DMD: variants seen among roughly 807,000 people sequenced by gnomAD.
DMD encodes the protein dystrophin, also known as mutant dystrophin.
In DMD, 63 loss-of-function variants were observed where a neutral mutation model predicts 330.1. That is an observed-to-expected ratio of 0.19 (90% confidence interval 0.16 to 0.24). The LOEUF (loss-of-function observed/expected upper bound fraction) is 0.24, where lower values mean the gene tolerates loss of function less well. Among genes scored for constraint, DMD ranks in the 10% least tolerant of loss-of-function variants. The pLI, the probability that DMD is intolerant of heterozygous loss-of-function variation, is 1.00. For synonymous variants in DMD, 1,223 were observed against 959.8 expected (o/e 1.27, Z -5.07); for missense variants, 3,344 against 2,684.1 (o/e 1.25, Z -5.43).
rs752073242 is a variant in DMD at position 31,498,305 on chromosome X, C to A, written c.8391-1361G>T. ...TTGCTTGAGAAATGCAAAACCCCAA[C>A]CTACTGATTGTTTTCAAATGTAATG... On this transcript the variant is annotated intron_variant, in intron 56 of 78. Coordinates refer to ENST00000357033, the MANE Select transcript of DMD (RefSeq NM_004006.3). Among the ~76,000 whole-genome samples, 4 of 111,774 alleles carry A rather than the reference C, an allele frequency of 3.6e-5. No individual in the cohort carries two copies. In the South Asian group the frequency reaches 1.5e-3, roughly 42 times the overall value.
intron 55 of DMD, among the ~76,000 whole-genome samples, chrX:31,621,665 A>T (rs887993534): frequency 2.7e-5 from 3 of 112,118 alleles, no homozygotes; most frequent in Non-Finnish European, 5.6e-5. Context: ...ATTGGGACTC[A>T]GAGGTCAGAC....
intron 1 of DMD, among the ~76,000 whole-genome samples, chrX:33,274,581 A>G (rs1460522388): frequency 8.9e-6 from 1 of 112,274 alleles, no homozygotes; most frequent in Non-Finnish European, 1.9e-5. Flanking sequence ...AATTGCATGT[A>G]CAAATTCATT....
chrX:33,147,465 T>G (rs897805135), intron 1 of DMD, among the ~76,000 whole-genome samples: 5 of 112,340 alleles, frequency 4.5e-5, no homozygotes, highest in Non-Finnish European at 7.5e-5. Context: ...TAATTATGAT[T>G]TGAATACATT....
chrX:32,352,955 A>C (rs1478155246), intron 37 of DMD, among the ~76,000 whole-genome samples: 2 of 111,070 alleles, frequency 1.8e-5, no homozygotes, highest in East Asian at 5.6e-4. Context: ...AATATGTCTT[A>C]TACTACTCTA....
chrX:31,428,532 C>T (rs1354278205), intron 60 of DMD, among the ~76,000 whole-genome samples: 3 of 111,899 alleles, frequency 2.7e-5, no homozygotes, highest in Non-Finnish European at 5.6e-5. Context: ...AAAAACCCAA[C>T]ACAAAATGTC....
At chrX:31,631,868 AG>A (rs1265301913) in intron 54 of DMD, among the ~76,000 whole-genome samples, 1 of 111,786 alleles carries the variant, frequency 8.9e-6, no homozygotes, top group Non-Finnish European at 1.9e-5. Context: ...TTGCCCTTTA[AG>A]GAGACCTATA....
intron 41 of DMD, among the ~76,000 whole-genome samples, chrX:32,336,708 T>C (rs992707042): frequency 1.8e-5 from 2 of 112,377 alleles, no homozygotes; most frequent in Admixed American, 9.5e-5. Context: ...AAAGTTCTAC[T>C]AAATATTCAT....
At chrX:32,394,916 C>CAAAACAAAACAAAAAAAAAAAA (rs2098030291) in intron 30 of DMD, among the ~76,000 whole-genome samples, 1 of 39,034 alleles carries the variant, frequency 2.6e-5, no homozygotes, top group African/African-American at 7.9e-5. Flanking sequence ...AACAAAAAAA[C>CAAAACAAAACAAAAAAAAAAAA]AAAAAAAAAA....
chrX:31,894,152 A>C (rs2149779302), intron 47 of DMD, among the ~76,000 whole-genome samples: 1 of 112,344 alleles, frequency 8.9e-6, no homozygotes, highest in East Asian at 2.8e-4. Context: ...AATTTTCTTC[A>C]CAGCAAGATA....
intron 34 of DMD, among the ~76,000 whole-genome samples, chrX:32,370,392 C>G (rs1431874060): frequency 9.1e-6 from 1 of 110,204 alleles, no homozygotes; most frequent in East Asian, 2.8e-4. Flanking sequence ...GCTAATGTGA[C>G]AGAATAATAT....
At chrX:33,271,777 C>CAA (rs771405828) in intron 1 of DMD, among the ~76,000 whole-genome samples, 1 of 73,459 alleles carries the variant, frequency 1.4e-5, no homozygotes, top group Non-Finnish European at 2.7e-5. Context: ...AAAAAAAAAC[C>CAA]AAAAAAAAAA....
At chrX:31,223,184 C>A (rs986744402) in intron 63 of DMD, 63 bp from the exon 64 acceptor site, 5 of 1,010,846 alleles carry the variant, frequency 4.9e-6, no homozygotes, top group Non-Finnish European at 4.2e-6. Context: ...AACCCACCCC[C>A]GACGCCCAGT....
chrX:31,797,592 T>A (rs1456223351), intron 50 of DMD, among the ~76,000 whole-genome samples: 2 of 112,112 alleles, frequency 1.8e-5, no homozygotes, highest in African/African-American at 6.5e-5. Context: ...AAAAATAGAA[T>A]TACTTGACCT....
At position 32,585,699 on chromosome X, in the gene DMD, C is replaced by CA. The variant is rs61394183; in HGVS notation, c.1602+10057dup. On this transcript the variant is annotated intron_variant, in intron 13 of 78. Coordinates refer to ENST00000357033, the MANE Select transcript of DMD (RefSeq NM_004006.3). ...TGGGTGACAGAGCAGGACTCCGTCT[C>CA]AAAAAAAAAAAAAAAAAAAAAAAAA... is the stretch of plus-strand genomic sequence containing the variant. Among the ~76,000 whole-genome samples, 208 of 31,926 alleles carry CA rather than the reference C, an allele frequency of 6.5e-3. 12 individuals are homozygous for CA. Among genetic ancestry groups the CA allele is most frequent in the South Asian group, 0.017 (3 of 181 alleles). The allele number at this position is 31,926 out of a possible 115,157, so 27.7% of individuals were successfully genotyped here. A position where few individuals can be genotyped will look rare whatever the true frequency, so the allele number is the denominator to read the frequency against.
rs767488684 is a variant in DMD at position 31,121,868 on chromosome X, C to T, written c.*51G>A. 2 of 1,207,539 alleles carry T rather than the reference C, an allele frequency of 1.7e-6. No individual in the cohort carries two copies. Among genetic ancestry groups the T allele is most frequent in the East Asian group, 3.0e-5 (1 of 33,845 alleles). On this transcript the variant is annotated 3_prime_UTR_variant, in exon 79 of 79. Coordinates refer to ENST00000357033, the MANE Select transcript of DMD (RefSeq NM_004006.3). ...CCTTCTTCATCTGTCATGACTGATA[C>T]TAAGGACTCCATCGCTCTGCCCAAA...
intron 2 of DMD, among the ~76,000 whole-genome samples, chrX:32,859,613 A>G (rs904709119): frequency 9.0e-6 from 1 of 111,471 alleles, no homozygotes; most frequent in Non-Finnish European, 1.9e-5. Context: ...AGTGCAAGTC[A>G]ATAGGGGAAG....
intron 55 of DMD, among the ~76,000 whole-genome samples, chrX:31,556,794 A>G (rs1176880389): frequency 8.9e-6 from 1 of 112,525 alleles, no homozygotes; most frequent in Admixed American, 9.4e-5. Context: ...ATTGGATTAG[A>G]AAGTTAATAT....
chrX:31,853,817 TACA>T (rs1399487810), intron 48 of DMD, among the ~76,000 whole-genome samples: 2 of 112,241 alleles, frequency 1.8e-5, no homozygotes, highest in Non-Finnish European at 1.9e-5. Context: ...CGTCCCCAAG[TACA>T]ACAATTCTTG....
At chrX:32,907,080 G>A (rs2086788333) in intron 2 of DMD, among the ~76,000 whole-genome samples, 1 of 111,738 alleles carries the variant, frequency 8.9e-6, no homozygotes, top group Non-Finnish European at 1.9e-5. Flanking sequence ...ACATTCTATA[G>A]TGTAAATTCA....
Sources: allele counts gnomAD v4.1 joint callset (sites outside exome capture counted in the v4.1 genomes callset), GRCh38; gene constraint gnomAD v4.1.1; transcripts MANE v1.5; gene names NCBI Gene and HGNC (gene_info 2026-07-23, HGNC 2026-07-21).